The following CAMK1D variants were observed in gnomAD, a reference collection of about 807,000 sequenced individuals.
CAMK1D encodes calcium/calmodulin-dependent protein kinase type 1D.
Under a neutral mutation model 47.7 loss-of-function variants are expected in CAMK1D, and 9 were observed. The ratio of observed to expected loss-of-function variants is 0.19; its 90% CI spans 0.11 to 0.33. The LOEUF (loss-of-function observed/expected upper bound fraction) is 0.33, where lower values mean the gene tolerates loss of function less well. CAMK1D is among the 10% of genes least tolerant of loss of function. CAMK1D has a pLI of 1.00. For synonymous variants in CAMK1D, 184 were observed against 184.9 expected, an observed-to-expected ratio of 0.99 and a Z score of 0.04; for missense variants, 291 against 488.7, an observed-to-expected ratio of 0.60 and a Z score of 3.81.
intron 1 of CAMK1D, among the ~76,000 whole-genome samples, chr10:12,503,846 AAGTTAC>A (rs990252944): frequency 6.6e-6 from 1 of 152,080 alleles, no homozygotes; most frequent in Non-Finnish European, 1.5e-5. Context: ...GCCAATGTTA[AAGTTAC>A]AGTGTTAAAA....
intron 1 of CAMK1D, among the ~76,000 whole-genome samples, chr10:12,380,624 A>G (rs190010488): frequency 0.011 from 1,683 of 152,210 alleles, 25 homozygotes; most frequent in African/African-American, 0.033. Flanking sequence ...TTGGGAGGCC[A>G]AGGCGGGCGG....
At chr10:12,423,974 C>T (rs1209890675) in intron 1 of CAMK1D, among the ~76,000 whole-genome samples, 1 of 152,178 alleles carries the variant, frequency 6.6e-6, no homozygotes, top group Non-Finnish European at 1.5e-5. Context: ...GTCCCCCCAT[C>T]CCTCATCAGG....
intron 2 of CAMK1D, among the ~76,000 whole-genome samples, chr10:12,647,934 G>T (rs892422749): frequency 2.6e-5 from 4 of 152,328 alleles, no homozygotes; most frequent in Admixed American, 2.6e-4. Context: ...GCAGGTCTGT[G>T]TGCAGGTGTG....
chr10:12,521,673 C>A (rs909514058), intron 1 of CAMK1D, among the ~76,000 whole-genome samples: 1 of 152,028 alleles, frequency 6.6e-6, no homozygotes, highest in Admixed American at 6.6e-5. Flanking sequence ...TATTTGTTAC[C>A]AAGAAAGGGG....
At chr10:12,506,760 C>T (rs1005298700) in intron 1 of CAMK1D, among the ~76,000 whole-genome samples, 21 of 152,140 alleles carry the variant, frequency 1.4e-4, no homozygotes, top group African/African-American at 4.1e-4. Flanking sequence ...CCTCGTGATC[C>T]GCCCGCCTCA....
intron 3 of CAMK1D, among the ~76,000 whole-genome samples, chr10:12,680,123 G>C (rs1202034935): frequency 6.6e-6 from 1 of 152,250 alleles, no homozygotes; most frequent in African/African-American, 2.4e-5. Context: ...CACCATGGGA[G>C]AGATGAGGCT....
chr10:12,668,533 A>G (rs1840504746), intron 3 of CAMK1D, among the ~76,000 whole-genome samples: 1 of 152,202 alleles, frequency 6.6e-6, no homozygotes, highest in African/African-American at 2.4e-5. Flanking sequence ...ATAATGGGAA[A>G]ATGGGGATAA....
intron 1 of CAMK1D, among the ~76,000 whole-genome samples, chr10:12,543,678 T>C (rs1303235368): frequency 6.6e-6 from 1 of 152,212 alleles, no homozygotes; most frequent in Non-Finnish European, 1.5e-5. Context: ...CAAGGCATCC[T>C]TAGGGCACAC....
At position 12,695,906 on chromosome 10, in the gene CAMK1D, G is replaced by A. The variant is rs143261437; in HGVS notation, c.299+29096G>A. On this transcript the variant is annotated intron_variant, in intron 3 of 10. Coordinates refer to ENST00000619168, the MANE Select transcript of CAMK1D (RefSeq NM_153498.4). Reference sequence around the variant, plus strand: ...AGCCAGGCCAACATAGTGAAACCCCGTCTCTACTAAAAATACAAAAAATTA... The same window carrying A: ...AGCCAGGCCAACATAGTGAAACCCCATCTCTACTAAAAATACAAAAAATTA... Among the ~76,000 whole-genome samples, 21 of 152,018 alleles carry A rather than the reference G, an allele frequency of 1.4e-4. No homozygotes were observed. The East Asian group carries it at 1.9e-3, about 14-fold the overall frequency.
At chr10:12,803,532 A>G (rs1009665969) in intron 6 of CAMK1D, among the ~76,000 whole-genome samples, 75 of 152,124 alleles carry the variant, frequency 4.9e-4, no homozygotes, top group African/African-American at 1.7e-3. Context: ...AAATACAAAA[A>G]TTAGCCCAGC....
Position 12,464,333 on chromosome 10 carries a change from A to G in CAMK1D, c.93-88892A>G, listed in dbSNP as rs140827281. ...AGCTCTTTTCCGATTGCCACAGAGC[A>G]CTCCCAGGTGCAGAGAGTAGTCAGT... On this transcript the variant is annotated intron_variant, in intron 1 of 10. Coordinates refer to ENST00000619168, the MANE Select transcript of CAMK1D (RefSeq NM_153498.4). Among the ~76,000 whole-genome samples, 32 of 152,098 alleles carry G rather than the reference A, an allele frequency of 2.1e-4. No homozygotes were observed. The East Asian group carries it at 5.6e-3, about 27-fold the overall frequency.
At chr10:12,630,882 T>C (rs1180433400) in intron 2 of CAMK1D, among the ~76,000 whole-genome samples, 1 of 152,156 alleles carries the variant, frequency 6.6e-6, no homozygotes. Flanking sequence ...CTTCAGAGGG[T>C]GCACCCAGGG....
At chr10:12,436,290 C>T (rs192154577) in intron 1 of CAMK1D, among the ~76,000 whole-genome samples, 108 of 152,268 alleles carry the variant, frequency 7.1e-4, no homozygotes, top group African/African-American at 2.6e-3. Flanking sequence ...AGTCTAGAGT[C>T]TGCTGTGGAC....
intron 2 of CAMK1D, among the ~76,000 whole-genome samples, chr10:12,606,224 C>T (rs915267581): frequency 3.9e-5 from 6 of 152,296 alleles, no homozygotes; most frequent in South Asian, 4.1e-4. Context: ...GCCTCTGAAT[C>T]GGGCATCACT....
chr10:12,406,303 G>A lies in CAMK1D; in HGVS notation c.92+56393G>A, dbSNP rs117375034. On this transcript the variant is annotated intron_variant, in intron 1 of 10. Coordinates refer to ENST00000619168, the MANE Select transcript of CAMK1D (RefSeq NM_153498.4). ...CCCTGGTTCAGGACCGTCATGTCGCGCCAAACACCAAAACAAATTCCAGGT... is the reference window on the plus strand; with the variant it reads ...CCCTGGTTCAGGACCGTCATGTCGCACCAAACACCAAAACAAATTCCAGGT... 4.1e-3 allele frequency among the ~76,000 whole-genome samples: 622 copies of A among 152,144 alleles called. 3 individuals carry two copies. The highest frequency in any genetic ancestry group is 6.7e-3 in the Non-Finnish European group (453 of 67,992).
chr10:12,671,957 C>T (rs1297454228), intron 3 of CAMK1D, among the ~76,000 whole-genome samples: 1 of 148,600 alleles, frequency 6.7e-6, no homozygotes, highest in African/African-American at 2.5e-5. Flanking sequence ...AGTCTGTCGC[C>T]CAGGCTGGAG....
intron 1 of CAMK1D, among the ~76,000 whole-genome samples, chr10:12,381,956 C>A (rs560724260): frequency 3.9e-5 from 6 of 152,108 alleles, no homozygotes; most frequent in Admixed American, 3.3e-4. Flanking sequence ...TATATACTCA[C>A]GACACTTCTG....
intron 1 of CAMK1D, among the ~76,000 whole-genome samples, chr10:12,494,519 G>T (rs1361037121): frequency 6.6e-6 from 1 of 152,078 alleles, no homozygotes; most frequent in African/African-American, 2.4e-5. Context: ...CATAAAGCCA[G>T]ATATTTTTGT....
intron 7 of CAMK1D, among the ~76,000 whole-genome samples, chr10:12,815,214 A>G (rs1832748163): frequency 6.6e-6 from 1 of 152,206 alleles, no homozygotes; most frequent in Admixed American, 6.5e-5. Flanking sequence ...CCTCAGGGAA[A>G]AAGATCAAAA....
Sources: gnomAD v4.1 joint callset for allele counts (sites outside exome capture counted in the v4.1 genomes callset) on GRCh38, gnomAD v4.1.1 for gene constraint, MANE v1.5 for transcripts, NCBI Gene and HGNC (gene_info 2026-07-23, HGNC 2026-07-21) for gene names.